Variants in LYRM7 observed in about 807,000 individuals in gnomAD.
LYRM7 encodes LYR motif containing 7.
Under a neutral mutation model 15.8 loss-of-function variants are expected in LYRM7, and 9 were observed. That is an observed-to-expected ratio of 0.57 (90% CI 0.34 to 0.99). The LOEUF is 0.99. Ranked by LOEUF, LYRM7 falls within the 50% of genes least tolerant of loss-of-function variation. LYRM7 has a pLI of 0.02. For synonymous variants in LYRM7, 39 were observed against 39.4 expected (o/e 0.99, Z 0.04); for missense variants, 115 against 119.1 (o/e 0.97, Z 0.16).
At chr5:131,171,940 C>T (rs968493147) in intron 1 of LYRM7, among the ~76,000 whole-genome samples, 1 of 152,174 alleles carries the variant, frequency 6.6e-6, no homozygotes, top group Non-Finnish European at 1.5e-5. Flanking sequence ...TAGCCAACAA[C>T]CAACATTTAG....
At chr5:131,171,313 C>T (rs1755518853) in intron 1 of LYRM7, among the ~76,000 whole-genome samples, 1 of 152,144 alleles carries the variant, frequency 6.6e-6, no homozygotes, top group Non-Finnish European at 1.5e-5. Flanking sequence ...GACTTGAGTT[C>T]TGCCCTCGTT....
At chr5:131,189,934 A>G (rs917322423) in intron 4 of LYRM7, among the ~76,000 whole-genome samples, 5 of 152,070 alleles carry the variant, frequency 3.3e-5, no homozygotes, top group Non-Finnish European at 7.4e-5. Flanking sequence ...GGAGTTTGAG[A>G]CTAGCCAGGG....
At chr5:131,181,617 A>G (rs932704999) in intron 2 of LYRM7, among the ~76,000 whole-genome samples, 2 of 151,276 alleles carry the variant, frequency 1.3e-5, no homozygotes, top group Non-Finnish European at 2.9e-5. Context: ...CATATTTGCT[A>G]AGCACTTTAT....
chr5:131,181,566 T>A (rs1755714765), intron 2 of LYRM7, among the ~76,000 whole-genome samples: 1 of 149,156 alleles, frequency 6.7e-6, no homozygotes, highest in African/African-American at 2.5e-5. Context: ...GCTTTAAATT[T>A]TTCAAGTGGA....
intron 1 of LYRM7, among the ~76,000 whole-genome samples, chr5:131,173,410 A>C (rs1042240126): frequency 1.3e-5 from 2 of 152,222 alleles, no homozygotes; most frequent in African/African-American, 2.4e-5. Flanking sequence ...TTTACACTAT[A>C]ATGTAGTCTA....
At position 131,202,310 on chromosome 5, in the gene LYRM7, C is replaced by T. The variant is rs1561551534; in HGVS notation, c.*2709C>T. The T allele has an allele frequency of 2.0e-5, 3 of 151,952 alleles. No homozygotes were observed. Among genetic ancestry groups the T allele is most frequent in the Admixed American group, 1.3e-4 (2 of 15,242 alleles). 9.4% of individuals were successfully genotyped at this position (151,952 alleles called of 1,614,324 possible). ...GGAAGTTCGAGACCAGCCCAACCAA[C>T]GTGGAGAAACCCCATCTCTATTAAA... On this transcript the variant is annotated 3_prime_UTR_variant, in exon 5 of 5. Transcript: ENST00000379380.
intron 1 of LYRM7, 106 bp from the exon 2 acceptor site, chr5:131,179,989 C>G: frequency 1.3e-6 from 1 of 742,880 alleles, no homozygotes; most frequent in Non-Finnish European, 2.3e-6. Context: ...CGCCCAGGGT[C>G]TCGAACTCCT....
chr5:131,183,406 A>G (rs1000268857), intron 3 of LYRM7, among the ~76,000 whole-genome samples: 16 of 152,218 alleles, frequency 1.1e-4, no homozygotes, highest in Non-Finnish European at 1.9e-4. Context: ...TTTGCTATTC[A>G]GTAGACTAAT....
At chr5:131,176,250 A>C (rs1366733164) in intron 1 of LYRM7, among the ~76,000 whole-genome samples, 2 of 152,236 alleles carry the variant, frequency 1.3e-5, no homozygotes, top group Non-Finnish European at 2.9e-5. Context: ...TATACCTAGT[A>C]GTAGAATTTC....
At chr5:131,190,061 G>A (rs1370669991) in intron 4 of LYRM7, among the ~76,000 whole-genome samples, 1 of 150,756 alleles carries the variant, frequency 6.6e-6, no homozygotes, top group African/African-American at 2.4e-5. Context: ...TTGAGCCTGA[G>A]AGGCGGATAT....
intron 4 of LYRM7, among the ~76,000 whole-genome samples, chr5:131,196,599 G>A (rs908628389): frequency 1.1e-4 from 16 of 151,910 alleles, no homozygotes; most frequent in African/African-American, 3.9e-4. Context: ...AGAACAGGAA[G>A]AGAGAAAGAG....
At chr5:131,195,396 G>A (rs1236894097) in intron 4 of LYRM7, among the ~76,000 whole-genome samples, 5 of 152,196 alleles carry the variant, frequency 3.3e-5, no homozygotes, top group African/African-American at 1.2e-4. Context: ...CTACAGCCTA[G>A]AGTCTAATTG....
intron 3 of LYRM7, 118 bp downstream of exon 3, chr5:131,182,417 CA>C (rs1182890641): frequency 2.1e-6 from 2 of 964,578 alleles, no homozygotes; most frequent in Non-Finnish European, 2.8e-6. Context: ...AAGGCCATCA[CA>C]ACTGTAGATA....
In LYRM7 at chr5:131,199,460, G is replaced by C. The variant is rs768633661; in HGVS notation, c.245-71G>C. 213 of 1,026,294 alleles carry C rather than the reference G, an allele frequency of 2.1e-4. 1 individual carries two copies. Among genetic ancestry groups the C allele is most frequent in the Non-Finnish European group, 2.9e-4 (203 of 704,062 alleles). 63.6% of individuals were successfully genotyped at this position (1,026,294 alleles called of 1,614,324 possible). ...ATTTTACTATTTTAAATTTTAGGGGGAAATGAGTGTCCTTGCATTTAATTC... is the reference window on the plus strand; with the variant it reads ...ATTTTACTATTTTAAATTTTAGGGGCAAATGAGTGTCCTTGCATTTAATTC... On this transcript the variant is annotated intron_variant, in intron 4 of 4. Coordinates refer to ENST00000379380, the MANE Select transcript of LYRM7 (RefSeq NM_181705.4).
At chr5:131,191,387 T>G (rs1755884267) in intron 4 of LYRM7, among the ~76,000 whole-genome samples, 1 of 152,060 alleles carries the variant, frequency 6.6e-6, no homozygotes, top group Admixed American at 6.6e-5. Flanking sequence ...AAATATAATG[T>G]CTCAAAATGA....
chr5:131,195,830 A>C (rs1580700503), intron 4 of LYRM7, among the ~76,000 whole-genome samples: 1 of 152,258 alleles, frequency 6.6e-6, no homozygotes, highest in East Asian at 1.9e-4. Flanking sequence ...TGGGCCCCTA[A>C]ACTCCTATCA....
At chr5:131,194,193 A>G (rs1469720450) in intron 4 of LYRM7, among the ~76,000 whole-genome samples, 1 of 152,240 alleles carries the variant, frequency 6.6e-6, no homozygotes, top group African/African-American at 2.4e-5. Context: ...AAGCAAAGTC[A>G]GGGATTTTAC....
Position 131,192,032 on chromosome 5 carries a change from TACACACACACACACACACACACACAC to T in LYRM7, c.244+4947_244+4972del, listed in dbSNP as rs60867142. On this transcript the variant is annotated intron_variant, in intron 4 of 4. Coordinates refer to ENST00000379380, the MANE Select transcript of LYRM7 (RefSeq NM_181705.4). Reference sequence around the variant, plus strand: ...AGTTGATTAAAAAAAATGTGGTGCATACACACACACACACACACACACACACACACACACACACACACACACACAAT... The same window carrying T: ...AGTTGATTAAAAAAAATGTGGTGCATACACACACACACACACACACACAAT... Among the ~76,000 whole-genome samples, 303 of 127,768 alleles carry T rather than the reference TACACACACACACACACACACACACAC, an allele frequency of 2.4e-3. 2 individuals are homozygous for T. The highest frequency in any genetic ancestry group is 7.9e-3 in the African/African-American group (293 of 37,026). 83.8% of individuals were successfully genotyped at this position (127,768 alleles called of 152,430 possible).
chr5:131,192,676 ATATTTTGGAAAC>A lies in LYRM7; in HGVS notation c.244+5574_244+5585del, dbSNP rs570762869. 1.9e-4 allele frequency among the ~76,000 whole-genome samples: 29 copies of A among 152,320 alleles called. No homozygotes were observed. In the South Asian group the frequency reaches 5.4e-3, roughly 28 times the overall value. Reference sequence around the variant, plus strand: ...TCCTTATTTTTAAAATCTTTAAAAAATATTTTGGAAACTATTTTTCTTTCCAAATATTTTCTG... The same window carrying A: ...TCCTTATTTTTAAAATCTTTAAAAAATATTTTTCTTTCCAAATATTTTCTG... On this transcript the variant is annotated intron_variant, in intron 4 of 4. Coordinates refer to ENST00000379380, the MANE Select transcript of LYRM7 (RefSeq NM_181705.4).
Sources: gnomAD v4.1 joint callset for allele counts (sites outside exome capture counted in the v4.1 genomes callset) on GRCh38, gnomAD v4.1.1 for gene constraint, MANE v1.5 for transcripts, NCBI Gene and HGNC (gene_info 2026-07-23, HGNC 2026-07-21) for gene names.